Variants in RGS7 observed in about 807,000 individuals in gnomAD.
The protein encoded by RGS7 is regulator of G-protein signaling 7.
In RGS7, 27 loss-of-function variants were observed where a neutral mutation model predicts 81.1. The observed-to-expected ratio is 0.33, with a 90% CI of 0.25 to 0.46. The LOEUF (loss-of-function observed/expected upper bound fraction) is 0.46, where lower values mean the gene tolerates loss of function less well. Ranked by LOEUF, RGS7 falls within the 20% of genes least tolerant of loss-of-function variation. The pLI is 1.00. For missense variants in RGS7, 396 were observed against 607.4 expected, an observed-to-expected ratio of 0.65 and a Z score of 3.66; for synonymous variants, 208 against 207.7, an observed-to-expected ratio of 1.00 and a Z score of -0.01.
At chr1:241,082,819 TC>T (rs1202419291) in intron 3 of RGS7, among the ~76,000 whole-genome samples, 1 of 152,184 alleles carries the variant, frequency 6.6e-6, no homozygotes, top group Non-Finnish European at 1.5e-5. Context: ...TATCAATATA[TC>T]ACATGTACTG....
chr1:240,949,760 A>G lies in RGS7; in HGVS notation c.227-13054T>C, dbSNP rs975730261. On this transcript the variant is annotated intron_variant, in intron 4 of 18. Coordinates refer to ENST00000440928, the MANE Select transcript of RGS7 (RefSeq NM_001364886.1). ...CTGCTCGGGAGGCTGGGGCAGGAGA[A>G]TGGCTTGAACCCAGGAGACGGAGGT... 8.2e-5 allele frequency among the ~76,000 whole-genome samples: 12 copies of G among 145,896 alleles called. 1 individual carries two copies. Among genetic ancestry groups the G allele is most frequent in the Admixed American group, 6.3e-4 (9 of 14,204 alleles).
At chr1:241,226,768 T>C (rs773962824) in intron 2 of RGS7, among the ~76,000 whole-genome samples, 18 of 152,232 alleles carry the variant, frequency 1.2e-4, no homozygotes, top group African/African-American at 2.7e-4. Flanking sequence ...ATTGCCACCA[T>C]TGATAGGAAT....
intron 3 of RGS7, among the ~76,000 whole-genome samples, chr1:241,016,690 A>G (rs865812610): frequency 6.6e-6 from 1 of 152,290 alleles, no homozygotes; most frequent in Middle Eastern, 3.4e-3. Flanking sequence ...CTACTGTAAT[A>G]CTTCTGTCAT....
intron 2 of RGS7, among the ~76,000 whole-genome samples, chr1:241,346,633 A>G (rs1015888378): frequency 3.3e-5 from 5 of 152,226 alleles, no homozygotes; most frequent in African/African-American, 1.2e-4. Flanking sequence ...AGCCTCACAG[A>G]GCTCGACAGT....
chr1:240,779,009 T>C (rs1457237790), intron 18 of RGS7, among the ~76,000 whole-genome samples: 2 of 152,082 alleles, frequency 1.3e-5, no homozygotes, highest in Non-Finnish European at 2.9e-5. Context: ...GTTGAAAGCT[T>C]ACTCCCCAGT....
At chr1:240,797,897 G>C (rs1449287546) in intron 18 of RGS7, among the ~76,000 whole-genome samples, 1 of 152,174 alleles carries the variant, frequency 6.6e-6, no homozygotes, top group Non-Finnish European at 1.5e-5. Flanking sequence ...GCTTTCTTGA[G>C]ACAACAAACC....
intron 3 of RGS7, among the ~76,000 whole-genome samples, chr1:241,065,956 T>C (rs989358135): frequency 1.3e-5 from 2 of 152,200 alleles, no homozygotes; most frequent in African/African-American, 4.8e-5. Flanking sequence ...AGCAATGTTA[T>C]TTAGTATTAT....
intron 2 of RGS7, among the ~76,000 whole-genome samples, chr1:241,337,608 T>C (rs2082320358): frequency 6.6e-6 from 1 of 152,134 alleles, no homozygotes; most frequent in Non-Finnish European, 1.5e-5. Flanking sequence ...CTTGGCTCCA[T>C]CTCACTAAAT....
chr1:240,974,094 T>A (rs1370609220), intron 4 of RGS7, among the ~76,000 whole-genome samples: 2 of 152,206 alleles, frequency 1.3e-5, no homozygotes, highest in African/African-American at 4.8e-5. Context: ...GCACAATGGA[T>A]TGATTTAATT....
rs1340053600 is a variant in RGS7 at position 240,991,396 on chromosome 1, C to T, written c.176-8267G>A. Among the ~76,000 whole-genome samples, 4 of 152,152 alleles carry T rather than the reference C, an allele frequency of 2.6e-5. No individual in the cohort carries two copies. The East Asian group carries it at 5.8e-4, about 22-fold the overall frequency. ...ATGGAGACCACCCTCAGGATTATTTCCTGCCCTCTACTGGAGCTCAGGAGG... is the reference window on the plus strand; with the variant it reads ...ATGGAGACCACCCTCAGGATTATTTTCTGCCCTCTACTGGAGCTCAGGAGG... On this transcript the variant is annotated intron_variant, in intron 3 of 18. Transcript: ENST00000440928.
chr1:240,776,288 A>C (rs1682917125), intron 18 of RGS7, 75 bp from the exon 19 acceptor site: 1 of 1,074,720 alleles, frequency 9.3e-7, no homozygotes, highest in African/African-American at 1.6e-5. Context: ...AGTAGTAGCA[A>C]CTATTTACTG....
chr1:241,113,499 A>G (rs549551883), intron 2 of RGS7, among the ~76,000 whole-genome samples: 6 of 152,202 alleles, frequency 3.9e-5, no homozygotes, highest in Non-Finnish European at 8.8e-5. Flanking sequence ...ATAATGAAAA[A>G]CAATAGGTTT....
chr1:241,317,818 G>C (rs1034596024), intron 2 of RGS7, among the ~76,000 whole-genome samples: 1 of 152,144 alleles, frequency 6.6e-6, no homozygotes, highest in African/African-American at 2.4e-5. Context: ...TATATTTTTA[G>C]GTTCTAAATA....
chr1:240,846,231 A>G (rs114952222), intron 9 of RGS7, among the ~76,000 whole-genome samples: 2,635 of 152,258 alleles, frequency 0.017, 69 homozygotes, highest in African/African-American at 0.059. Flanking sequence ...ATCATTCATA[A>G]AAAGTACTTT....
chr1:241,153,179 T>C (rs529022528), intron 2 of RGS7, among the ~76,000 whole-genome samples: 16 of 152,338 alleles, frequency 1.1e-4, no homozygotes, highest in South Asian at 8.3e-4. Flanking sequence ...TTTTGTAAGA[T>C]AGAAATTAGA....
chr1:240,810,445 C>CT (rs5782164), intron 14 of RGS7, among the ~76,000 whole-genome samples: 32,363 of 124,256 alleles, frequency 0.26, 4,670 homozygotes, highest in Middle Eastern at 0.35. Context: ...TTAATGCATT[C>CT]TTTTTTTTTT....
At chr1:241,179,536 G>A (rs745589603) in intron 2 of RGS7, among the ~76,000 whole-genome samples, 35 of 152,188 alleles carry the variant, frequency 2.3e-4, no homozygotes, top group Non-Finnish European at 4.6e-4. Context: ...CTAAATCACA[G>A]TCTAGCTCCA....
intron 18 of RGS7, among the ~76,000 whole-genome samples, chr1:240,779,313 C>G (rs372281439): frequency 2.6e-5 from 4 of 152,054 alleles, no homozygotes; most frequent in Non-Finnish European, 5.9e-5. Context: ...TGCACCACCA[C>G]GCCCGGCTAA....
rs549704577 is a variant in RGS7, at chr1:241,140,235, T to C, written c.79-41473A>G. On this transcript the variant is annotated intron_variant, in intron 2 of 18. Coordinates refer to ENST00000440928, the MANE Select transcript of RGS7 (RefSeq NM_001364886.1). ...GTAGCCACTGCCTTTCCCTGCCTAG[T>C]TTTTAATTCTGGCCAAGCAGACCCT... Among the ~76,000 whole-genome samples, 200 of 152,228 alleles carry C rather than the reference T, an allele frequency of 1.3e-3. 2 individuals carry two copies. The highest frequency in any genetic ancestry group is 4.7e-3 in the African/African-American group (194 of 41,548).
Sources: gnomAD v4.1 joint callset for allele counts (sites outside exome capture counted in the v4.1 genomes callset) on GRCh38, gnomAD v4.1.1 for gene constraint, MANE v1.5 for transcripts, NCBI Gene and HGNC (gene_info 2026-07-23, HGNC 2026-07-21) for gene names.